The following ATP2A2 variants were observed in gnomAD, a reference collection of about 807,000 sequenced individuals.
The protein encoded by ATP2A2 is sarcoplasmic/endoplasmic reticulum calcium ATPase 2.
A neutral mutation model predicts 109.3 loss-of-function variants in ATP2A2; 14 were observed. The ratio of observed to expected loss-of-function variants is 0.13; its 90% confidence interval spans 0.08 to 0.20. The LOEUF (loss-of-function observed/expected upper bound fraction) is 0.20, where lower values mean the gene tolerates loss of function less well. Ranked by LOEUF, ATP2A2 falls within the 10% of genes least tolerant of loss-of-function variation. ATP2A2 has a pLI of 1.00. For missense variants in ATP2A2, 657 were observed against 1,321.6 expected (o/e 0.50, Z 7.80); for synonymous variants, 506 against 490.9 (o/e 1.03, Z -0.41).
At chr12:110,343,929 C>G (rs559974370) in intron 16 of ATP2A2, among the ~76,000 whole-genome samples, 32 of 152,280 alleles carry the variant, frequency 2.1e-4, no homozygotes, top group African/African-American at 7.7e-4. Context: ...GAAATCACTT[C>G]CCTGGGATCC....
intron 5 of ATP2A2, among the ~76,000 whole-genome samples, chr12:110,300,180 CTCTCT>C (rs1215830982): frequency 1.0e-5 from 1 of 98,152 alleles, no homozygotes; most frequent in African/African-American, 4.9e-5. Flanking sequence ...CTTTCTCGCT[CTCTCT>C]TTTTTTTTTT....
At chr12:110,290,432 A>G (rs983734737) in intron 3 of ATP2A2, among the ~76,000 whole-genome samples, 24 of 152,236 alleles carry the variant, frequency 1.6e-4, no homozygotes, top group African/African-American at 4.3e-4. Context: ...TGATATGAAT[A>G]ATAACTAAAT....
intron 8 of ATP2A2, 55 bp downstream of exon 8, chr12:110,328,072 A>T: frequency 1.3e-6 from 2 of 1,529,260 alleles, no homozygotes; most frequent in Non-Finnish European, 1.8e-6. Flanking sequence ...CATCCTACCA[A>T]TATGCCTTCA....
At position 110,342,972 on chromosome 12, in the gene ATP2A2, TCAGC is replaced by T. The variant is rs1330593702; in HGVS notation, c.2319-256_2319-253del. Among the ~76,000 whole-genome samples the T allele has an allele frequency of 6.6e-6, 1 of 152,112 alleles. No homozygotes were observed. The highest frequency in any genetic ancestry group is 2.4e-5 in the African/African-American group (1 of 41,410). ...CAGGCTGGTCTCTTAACTGCTGAGCTCAGCCAGTCTGCCCACCTTGGCTTCCCAA... is the reference window on the plus strand; with the variant it reads ...CAGGCTGGTCTCTTAACTGCTGAGCTCAGTCTGCCCACCTTGGCTTCCCAA... On this transcript the variant is annotated intron_variant, in intron 15 of 19. Transcript: ENST00000539276. The surrounding 1 kb of genome is among the most constrained non-coding windows in gnomAD (Gnocchi z 4.6).
At chr12:110,316,322 C>A (rs1448407289) in intron 5 of ATP2A2, among the ~76,000 whole-genome samples, 1 of 152,132 alleles carries the variant, frequency 6.6e-6, no homozygotes, top group African/African-American at 2.4e-5. Flanking sequence ...TTCCCATCCC[C>A]CCATTCCTAA....
intron 4 of ATP2A2, among the ~76,000 whole-genome samples, chr12:110,293,517 C>T (rs34357952): frequency 6.6e-6 from 1 of 151,612 alleles, no homozygotes; most frequent in Non-Finnish European, 1.5e-5. Flanking sequence ...GTCTCACCCT[C>T]CCGGGTAGCT....
intron 5 of ATP2A2, among the ~76,000 whole-genome samples, chr12:110,306,998 A>G (rs1875412015): frequency 6.6e-6 from 1 of 151,638 alleles, no homozygotes; most frequent in African/African-American, 2.4e-5. Context: ...GGCTCAAGTG[A>G]TTCACCCACC....
intron 4 of ATP2A2, among the ~76,000 whole-genome samples, chr12:110,294,220 C>T (rs915186042): frequency 2.0e-5 from 3 of 151,876 alleles, no homozygotes; most frequent in Non-Finnish European, 4.4e-5. Flanking sequence ...ATTTTTTGTA[C>T]TTTTAATAGA....
At chr12:110,301,642 C>T (rs2137736475) in intron 5 of ATP2A2, among the ~76,000 whole-genome samples, 1 of 152,308 alleles carries the variant, frequency 6.6e-6, no homozygotes, top group African/African-American at 2.4e-5. Context: ...TCCTCCAGTC[C>T]ATTCTCCACA....
chr12:110,282,530 G>A (rs1872241032), intron 1 of ATP2A2, 74 bp from the exon 2 acceptor site: 7 of 1,567,550 alleles, frequency 4.5e-6, no homozygotes, highest in Non-Finnish European at 6.1e-6. Flanking sequence ...AAAACGAAGT[G>A]CTAAAATGTC....
rs1880101694 is a variant in ATP2A2, at chr12:110,348,562, C to T, written c.*2092C>T. The T allele has an allele frequency of 3.0e-6, 3 of 985,376 alleles. No homozygotes were observed. The highest frequency in any genetic ancestry group is 4.7e-5 in the South Asian group (1 of 21,274). 61.0% of individuals were successfully genotyped at this position (985,376 alleles called of 1,614,324 possible). A position where few individuals can be genotyped will look rare whatever the true frequency, so the allele number is the denominator to read the frequency against. On this transcript the variant is annotated 3_prime_UTR_variant, in exon 20 of 20. Coordinates refer to ENST00000539276, the MANE Select transcript of ATP2A2 (RefSeq NM_170665.4). ...AGGGATGGAGGTGGAACCTGGAGAC[C>T]GACTCTTAAAAGCACAGTCCGTGGT... is the stretch of plus-strand genomic sequence containing the variant.
chr12:110,287,223 A>G (rs936492759), intron 3 of ATP2A2, among the ~76,000 whole-genome samples: 4 of 152,192 alleles, frequency 2.6e-5, no homozygotes. Context: ...ACTGCACTCC[A>G]GCCTGAGTGA....
At chr12:110,290,731 A>C (rs963592913) in intron 3 of ATP2A2, among the ~76,000 whole-genome samples, 1 of 151,196 alleles carries the variant, frequency 6.6e-6, no homozygotes, top group Non-Finnish European at 1.5e-5. Flanking sequence ...CAGCTTCCCA[A>C]CTAGCTAGGA....
intron 7 of ATP2A2, 152 bp downstream of exon 7, chr12:110,326,627 C>T (rs1877829942): frequency 1.2e-6 from 1 of 856,030 alleles, no homozygotes; most frequent in Non-Finnish European, 1.9e-6. Flanking sequence ...ATGGCAGTAA[C>T]ATAACGTGTG....
intron 14 of ATP2A2, 141 bp downstream of exon 14, chr12:110,341,135 A>T (rs1214800597): frequency 1.0e-6 from 1 of 954,544 alleles, no homozygotes; most frequent in African/African-American, 1.6e-5. Context: ...GAATTCGGTG[A>T]ATCAGTGGTT....
chr12:110,293,520 G>A (rs1468007479), intron 4 of ATP2A2, among the ~76,000 whole-genome samples: 2 of 151,334 alleles, frequency 1.3e-5, no homozygotes, highest in South Asian at 2.1e-4. Context: ...TCACCCTCCC[G>A]GGTAGCTGGG....
At chr12:110,293,417 C>T (rs542784664) in intron 4 of ATP2A2, among the ~76,000 whole-genome samples, 38 of 125,642 alleles carry the variant, frequency 3.0e-4, no homozygotes, top group African/African-American at 9.8e-4. Context: ...TTGTTTTGAC[C>T]GACTTTCACT....
At chr12:110,293,367 CTTTTTTTTTTT>C (rs1178977431) in intron 4 of ATP2A2, among the ~76,000 whole-genome samples, 1 of 79,858 alleles carries the variant, frequency 1.3e-5, no homozygotes, top group South Asian at 7.1e-4. Context: ...CACTCCCGGC[CTTTTTTTTTTT>C]TTTTTTTTTT....
In ATP2A2 at chr12:110,347,431, G is replaced by A; in HGVS notation, c.*961G>A. The stretch of plus-strand genomic sequence containing the variant: ...ACTTTAGTTGTACTCTGCTTGAGGG[G>A]AAGAAGGCTCCTGCTCTGCTGTGTA... On this transcript the variant is annotated 3_prime_UTR_variant, in exon 20 of 20. Coordinates refer to ENST00000539276, the MANE Select transcript of ATP2A2 (RefSeq NM_170665.4). 7.8e-7 allele frequency: 1 copy of A among 1,289,030 alleles called. No homozygotes were observed. Among genetic ancestry groups the A allele is most frequent in the Non-Finnish European group, 1.0e-6 (1 of 988,686 alleles). The allele number at this position is 1,289,030 out of a possible 1,614,324, so 79.8% of individuals were successfully genotyped here.
Sources: gnomAD v4.1 joint callset for allele counts (sites outside exome capture counted in the v4.1 genomes callset) on GRCh38, gnomAD v4.1.1 for gene constraint, Gnocchi (gnomAD v3.1) non-coding constraint, MANE v1.5 for transcripts, NCBI Gene and HGNC (gene_info 2026-07-23, HGNC 2026-07-21) for gene names.